The following TMEM132D variants were observed in gnomAD, a reference collection of about 807,000 sequenced individuals.
TMEM132D encodes mature OL transmembrane protein.
TMEM132D carries 21 observed loss-of-function variants against 62.3 expected under a neutral mutation model. The ratio of observed to expected loss-of-function variants is 0.34; its 90% CI spans 0.24 to 0.49. TMEM132D has a LOEUF of 0.49. Ranked by LOEUF, TMEM132D falls within the 20% of genes least tolerant of loss-of-function variation. The pLI is 0.99. For synonymous variants in TMEM132D, 621 were observed against 575.6 expected (o/e 1.08, Z -1.13); for missense variants, 1,346 against 1,402.8 (o/e 0.96, Z 0.65).
chr12:129,474,621 C>T (rs554387195), intron 3 of TMEM132D, among the ~76,000 whole-genome samples: 45 of 152,334 alleles, frequency 3.0e-4, no homozygotes, highest in African/African-American at 9.9e-4. Flanking sequence ...TGCCAGCCTT[C>T]TCGTCCCTTC....
At chr12:129,428,659 G>C (rs1353343270) in intron 3 of TMEM132D, among the ~76,000 whole-genome samples, 1 of 152,212 alleles carries the variant, frequency 6.6e-6, no homozygotes, top group Non-Finnish European at 1.5e-5. Flanking sequence ...ATTCATGGTA[G>C]CTGATATAAA....
In TMEM132D at chr12:129,297,748, G is replaced by A. The variant is rs114580875; in HGVS notation, c.1299+39886C>T. On this transcript the variant is annotated intron_variant, in intron 4 of 8. Coordinates refer to ENST00000422113, the MANE Select transcript of TMEM132D (RefSeq NM_133448.3). ...CGAGGTTATCAGGTCGTTATCAAAC[G>A]ACCTCATCGCCCTGGTGCTTTAACA... Among the ~76,000 whole-genome samples, 1,199 of 152,236 alleles carry A rather than the reference G, an allele frequency of 7.9e-3. 14 individuals are homozygous for A. Among genetic ancestry groups the A allele is most frequent in the African/African-American group, 0.027 (1,141 of 41,530 alleles).
rs1555259212 is a variant in TMEM132D, at chr12:129,473,325, T to TTTTG, written c.1115+57733_1115+57734insCAAA. The stretch of plus-strand genomic sequence containing the variant: ...GGCAATAAAGTGATTTTAGTTTTTG[T>TTTTG]TTTTTTTTTTTTTTTTTTTTTGAGA... On this transcript the variant is annotated intron_variant, in intron 3 of 8. Coordinates refer to ENST00000422113, the MANE Select transcript of TMEM132D (RefSeq NM_133448.3). 6.4e-4 allele frequency among the ~76,000 whole-genome samples: 5 copies of TTTTG among 7,856 alleles called. No homozygotes were observed. In the East Asian group the frequency reaches 0.012, roughly 19 times the overall value. The allele number at this position is 7,856 out of a possible 152,430, so 5.2% of individuals were successfully genotyped here.
chr12:129,412,793 C>A (rs1872006406), intron 3 of TMEM132D, among the ~76,000 whole-genome samples: 1 of 152,142 alleles, frequency 6.6e-6, no homozygotes. Flanking sequence ...GCAGAGGTTG[C>A]AGTGAGCCAA....
chr12:129,265,524 C>T (rs535955503), intron 4 of TMEM132D, among the ~76,000 whole-genome samples: 42 of 152,266 alleles, frequency 2.8e-4, no homozygotes, highest in Admixed American at 1.8e-3. Context: ...CTCTCCATTG[C>T]CCTGGGGGTA....
At chr12:129,686,036 C>A (rs1001882609) in intron 2 of TMEM132D, among the ~76,000 whole-genome samples, 2 of 152,182 alleles carry the variant, frequency 1.3e-5, no homozygotes, top group African/African-American at 4.8e-5. Context: ...ATTTTACAGG[C>A]TCCTAAGCAG....
intron 4 of TMEM132D, among the ~76,000 whole-genome samples, chr12:129,233,975 T>G (rs1336695196): frequency 6.6e-6 from 1 of 152,208 alleles, no homozygotes; most frequent in East Asian, 1.9e-4. Flanking sequence ...TGTAAAAACA[T>G]ATCCTGACTT....
At chr12:129,826,889 G>A (rs938042594) in intron 1 of TMEM132D, among the ~76,000 whole-genome samples, 1 of 152,186 alleles carries the variant, frequency 6.6e-6, no homozygotes, top group East Asian at 1.9e-4. Context: ...TCAAAACTCT[G>A]CTTTGACCTA....
intron 3 of TMEM132D, among the ~76,000 whole-genome samples, chr12:129,411,614 C>CA (rs1871969528): frequency 6.6e-6 from 1 of 152,114 alleles, no homozygotes; most frequent in Non-Finnish European, 1.5e-5. Flanking sequence ...CTCCGCCTCC[C>CA]AAAGTATTGG....
intron 4 of TMEM132D, among the ~76,000 whole-genome samples, chr12:129,289,706 G>T (rs951345817): frequency 2.0e-5 from 3 of 152,170 alleles, no homozygotes; most frequent in Non-Finnish European, 4.4e-5. Flanking sequence ...TATGCTAATT[G>T]GTTAGTGCTG....
chr12:129,882,700 A>T (rs1289983445), intron 1 of TMEM132D, among the ~76,000 whole-genome samples: 3 of 152,224 alleles, frequency 2.0e-5, no homozygotes, highest in Non-Finnish European at 4.4e-5. Context: ...AATCATCACT[A>T]TGTACACCAT....
chr12:129,127,778 A>G (rs1035318071), intron 5 of TMEM132D, among the ~76,000 whole-genome samples: 1 of 152,138 alleles, frequency 6.6e-6, no homozygotes, highest in African/African-American at 2.4e-5. Context: ...AGCAGAGGAC[A>G]GTGGTTGACA....
intron 3 of TMEM132D, among the ~76,000 whole-genome samples, chr12:129,344,792 T>TA (rs1314356407): frequency 6.6e-6 from 1 of 152,104 alleles, no homozygotes; most frequent in Non-Finnish European, 1.5e-5. Flanking sequence ...GATTTTAACT[T>TA]ACTCTTTTCC....
chr12:129,134,804 TCTC>T (rs1267921168), intron 5 of TMEM132D, among the ~76,000 whole-genome samples: 4 of 152,062 alleles, frequency 2.6e-5, no homozygotes, highest in Non-Finnish European at 5.9e-5. Flanking sequence ...TGTCTTTACT[TCTC>T]CTTCTTCTCC....
chr12:129,492,362 G>A (rs1593036181), intron 3 of TMEM132D, among the ~76,000 whole-genome samples: 1 of 152,100 alleles, frequency 6.6e-6, no homozygotes. Context: ...TCAGTACAAA[G>A]CAATGAAATC....
intron 2 of TMEM132D, among the ~76,000 whole-genome samples, chr12:129,600,340 T>G (rs1026000526): frequency 2.0e-5 from 3 of 152,226 alleles, no homozygotes; most frequent in African/African-American, 7.2e-5. Context: ...TCTCTTGCTG[T>G]TTCCACACCT....
intron 3 of TMEM132D, among the ~76,000 whole-genome samples, chr12:129,518,680 A>G (rs1875755644): frequency 6.6e-6 from 1 of 152,040 alleles, no homozygotes; most frequent in Non-Finnish European, 1.5e-5. Context: ...ATACCAGTAA[A>G]TTGAGAGCAT....
rs1258633748 is a variant in TMEM132D at position 129,867,914 on chromosome 12, T to C, written c.79+35347A>G. Among the ~76,000 whole-genome samples, 1 of 152,228 alleles carries C rather than the reference T, an allele frequency of 6.6e-6. No homozygotes were observed. Among genetic ancestry groups the C allele is most frequent in the Non-Finnish European group, 1.5e-5 (1 of 68,046 alleles). On this transcript the variant is annotated intron_variant, in intron 1 of 8. Coordinates refer to ENST00000422113, the MANE Select transcript of TMEM132D (RefSeq NM_133448.3). The surrounding 1 kb of genome is among the most constrained non-coding windows in gnomAD (Gnocchi z 4.5). ...AGGGCAATGGAAATGTCTGTGTCTC[T>C]ACTAAGACAGCGTTTCTATGGTACA...
chr12:129,903,109 G>A lies in TMEM132D; in HGVS notation c.79+152C>T, dbSNP rs1875421430. The A allele has an allele frequency of 1.2e-6, 1 of 858,122 alleles. No individual in the cohort carries two copies. The highest frequency in any genetic ancestry group is 1.8e-6 in the Non-Finnish European group (1 of 552,872). The allele number at this position is 858,122 out of a possible 1,614,324, so 53.2% of individuals were successfully genotyped here. On this transcript the variant is annotated intron_variant, in intron 1 of 8. Coordinates refer to ENST00000422113, the MANE Select transcript of TMEM132D (RefSeq NM_133448.3). The surrounding 1 kb of genome is among the most constrained non-coding windows in gnomAD (Gnocchi z 6.2). ...GAGCTTGGCTGCCGCACGAGCGCAC[G>A]TTCACACGCGCGCACACACACATGC...
Sources: gnomAD v4.1 joint callset for allele counts (sites outside exome capture counted in the v4.1 genomes callset) on GRCh38, gnomAD v4.1.1 for gene constraint, Gnocchi (gnomAD v3.1) non-coding constraint, MANE v1.5 for transcripts, NCBI Gene and HGNC (gene_info 2026-07-23, HGNC 2026-07-21) for gene names.